MSI2: variants seen among roughly 807,000 people sequenced by gnomAD.
MSI2 encodes RNA-binding protein Musashi homolog 2.
A neutral mutation model predicts 45.6 loss-of-function variants in MSI2; 17 were observed. The observed-to-expected ratio is 0.37, with a 90% CI of 0.26 to 0.56. The LOEUF (loss-of-function observed/expected upper bound fraction) is 0.56. MSI2 is among the 20% of genes least tolerant of loss of function. The pLI is 0.77. For synonymous variants in MSI2, 156 were observed against 158.2 expected, an observed-to-expected ratio of 0.99 and a Z score of 0.11; for missense variants, 293 against 444.2, an observed-to-expected ratio of 0.66 and a Z score of 3.06.
Position 57,679,693 on chromosome 17 carries a change from C to A in MSI2, c.*176C>A. 1 of 722,826 alleles carries A rather than the reference C, an allele frequency of 1.4e-6. No individual in the cohort carries two copies. Among genetic ancestry groups the A allele is most frequent in the Non-Finnish European group, 1.8e-6 (1 of 565,786 alleles). 44.8% of individuals were successfully genotyped at this position (722,826 alleles called of 1,614,324 possible). A position where few individuals can be genotyped will look rare whatever the true frequency, so the allele number is the denominator to read the frequency against. On this transcript the variant is annotated 3_prime_UTR_variant, in exon 14 of 14. Transcript: ENST00000284073. ...ACTTCGGATCGAGGGTTGACTACATCTCATCATCTCACGAATCTGCTGTAA... is the reference window on the plus strand; with the variant it reads ...ACTTCGGATCGAGGGTTGACTACATATCATCATCTCACGAATCTGCTGTAA...
At chr17:57,447,714 T>G (rs2084926383) in intron 6 of MSI2, among the ~76,000 whole-genome samples, 1 of 152,088 alleles carries the variant, frequency 6.6e-6, no homozygotes, top group African/African-American at 2.4e-5. Flanking sequence ...CACGACCCAG[T>G]GCCTGCGTTC....
intron 5 of MSI2, among the ~76,000 whole-genome samples, chr17:57,330,910 C>T (rs28743029): frequency 1.4e-5 from 2 of 144,974 alleles, no homozygotes; most frequent in Admixed American, 6.8e-5. Context: ...AGGTTTTATT[C>T]TTTTTTTTTG....
intron 11 of MSI2, among the ~76,000 whole-genome samples, chr17:57,666,747 G>A (rs1461446410): frequency 6.6e-6 from 1 of 152,222 alleles, no homozygotes; most frequent in Non-Finnish European, 1.5e-5. Flanking sequence ...GTAGCAGGCA[G>A]GGAGGTAGCT....
chr17:57,564,856 T>C (rs1414613513), intron 7 of MSI2, among the ~76,000 whole-genome samples: 1 of 152,254 alleles, frequency 6.6e-6, no homozygotes, highest in Non-Finnish European at 1.5e-5. Flanking sequence ...GGCACTTACA[T>C]ACAGCCTTTT....
intron 5 of MSI2, chr17:57,285,889 G>A (rs765785911): frequency 1.3e-6 from 2 of 1,529,740 alleles, no homozygotes; most frequent in Admixed American, 2.0e-5. Flanking sequence ...TTTAGATGAT[G>A]AGGGGTTATA....
chr17:57,663,830 G>A (rs1912184542), intron 11 of MSI2, among the ~76,000 whole-genome samples: 1 of 152,144 alleles, frequency 6.6e-6, no homozygotes, highest in African/African-American at 2.4e-5. Flanking sequence ...GGCACATTCC[G>A]TTCAGGCTTG....
chr17:57,559,396 G>A (rs118047739), intron 7 of MSI2, among the ~76,000 whole-genome samples: 10 of 152,330 alleles, frequency 6.6e-5, no homozygotes, highest in South Asian at 4.1e-4. Context: ...TGGTTTCCCT[G>A]GACTCCTTTC....
At chr17:57,333,109 T>C (rs1914403310) in intron 5 of MSI2, among the ~76,000 whole-genome samples, 2 of 152,160 alleles carry the variant, frequency 1.3e-5, no homozygotes, top group African/African-American at 2.4e-5. Context: ...AGTGGCTGTG[T>C]GACCTGGAAA....
intron 6 of MSI2, among the ~76,000 whole-genome samples, chr17:57,416,135 A>G (rs1049863609): frequency 2.0e-5 from 3 of 152,214 alleles, no homozygotes; most frequent in African/African-American, 4.8e-5. Flanking sequence ...CCAAGTTTCT[A>G]TTGAAAACCA....
chr17:57,301,761 C>T (rs979540864), intron 5 of MSI2, among the ~76,000 whole-genome samples: 1 of 145,980 alleles, frequency 6.9e-6, no homozygotes, highest in Non-Finnish European at 1.5e-5. Flanking sequence ...TCAAACCGTG[C>T]TGCAGCGAAT....
chr17:57,536,297 T>C (rs2086918390), intron 7 of MSI2, among the ~76,000 whole-genome samples: 1 of 152,150 alleles, frequency 6.6e-6, no homozygotes, highest in Admixed American at 6.5e-5. Flanking sequence ...CTTTGTAGGA[T>C]GGAGGAATAA....
At chr17:57,368,791 A>G (rs970412373) in intron 5 of MSI2, among the ~76,000 whole-genome samples, 3 of 152,162 alleles carry the variant, frequency 2.0e-5, no homozygotes, top group Admixed American at 1.3e-4. Flanking sequence ...GGTGCTTGTG[A>G]GTGAGCTGGA....
At chr17:57,433,366 G>A (rs1218221585) in intron 6 of MSI2, among the ~76,000 whole-genome samples, 2 of 152,090 alleles carry the variant, frequency 1.3e-5, no homozygotes, top group African/African-American at 4.8e-5. Context: ...ATCTGAAGTC[G>A]AACCCAGGAC....
chr17:57,678,564 G>A (rs1156831576), intron 13 of MSI2, among the ~76,000 whole-genome samples: 4 of 152,178 alleles, frequency 2.6e-5, no homozygotes, highest in East Asian at 1.9e-4. Flanking sequence ...CAGACACTGG[G>A]GCTGCCTGTG....
At chr17:57,639,761 A>T (rs116703567) in intron 10 of MSI2, among the ~76,000 whole-genome samples, 62,557 of 151,790 alleles carry the variant, frequency 0.41, 13,321 homozygotes, top group Non-Finnish European at 0.46. Flanking sequence ...CTTAGTGGGG[A>T]ACCTGCTTAG....
chr17:57,472,296 G>C (rs2085453164), intron 6 of MSI2, among the ~76,000 whole-genome samples: 1 of 152,190 alleles, frequency 6.6e-6, no homozygotes. Flanking sequence ...CTCAGTCCAG[G>C]GACCGGCCTC....
At chr17:57,272,141 G>T (rs1031970225) in intron 5 of MSI2, among the ~76,000 whole-genome samples, 3 of 152,168 alleles carry the variant, frequency 2.0e-5, no homozygotes, top group Admixed American at 6.5e-5. Context: ...GCCTGTGTGT[G>T]TTTGTGCATG....
chr17:57,669,210 G>A (rs1912593769), intron 11 of MSI2, among the ~76,000 whole-genome samples: 1 of 152,230 alleles, frequency 6.6e-6, no homozygotes, highest in East Asian at 1.9e-4. Flanking sequence ...GAGGACACAT[G>A]AAGGAAACTG....
At chr17:57,597,005 C>T in intron 8 of MSI2, 55 bp downstream of exon 8, 1 of 1,314,232 alleles carries the variant, frequency 7.6e-7, no homozygotes, top group Non-Finnish European at 1.1e-6. Context: ...TACGTACACA[C>T]CCAGTCTTGC....
Sources: allele counts gnomAD v4.1 joint callset (sites outside exome capture counted in the v4.1 genomes callset), GRCh38; gene constraint gnomAD v4.1.1; transcripts MANE v1.5; gene names NCBI Gene and HGNC (gene_info 2026-07-23, HGNC 2026-07-21).